BRSK2: variants seen among roughly 807,000 people sequenced by gnomAD.
The protein encoded by BRSK2 is BR serine/threonine kinase 2.
A neutral mutation model predicts 83.3 loss-of-function variants in BRSK2; 19 were observed. The observed-to-expected ratio is 0.23, with a 90% CI of 0.16 to 0.33. The LOEUF (loss-of-function observed/expected upper bound fraction) is 0.33, where lower values mean the gene tolerates loss of function less well. BRSK2 is among the 10% of genes least tolerant of loss of function. BRSK2 has a pLI of 1.00. For synonymous variants in BRSK2, 519 were observed against 435.4 expected (o/e 1.19, Z -2.39); for missense variants, 798 against 1,042.3 (o/e 0.77, Z 3.23).
Position 1,439,260 on chromosome 11 carries a change from G to A in BRSK2, c.272+869G>A, listed in dbSNP as rs1238295364. Among the ~76,000 whole-genome samples, 4 of 152,176 alleles carry A rather than the reference G, an allele frequency of 2.6e-5. No homozygotes were observed. In the South Asian group the frequency reaches 6.3e-4, roughly 24 times the overall value. On this transcript the variant is annotated intron_variant, in intron 3 of 19. Transcript: ENST00000528841. ...CCCTTCCCCCAGCAGCAACGTCCAC[G>A]CTTGCTCTGGCCTGGGTTTCTGCAT...
chr11:1,440,995 G>A, intron 4 of BRSK2, 67 bp downstream of exon 4: 3 of 1,379,516 alleles, frequency 2.2e-6, no homozygotes, highest in South Asian at 2.5e-5. Flanking sequence ...TACCACAGAT[G>A]CCCCCTGTGC....
chr11:1,447,908 A>G (rs1852373089), intron 12 of BRSK2: 1 of 1,543,260 alleles, frequency 6.5e-7, no homozygotes, highest in Non-Finnish European at 8.8e-7. Flanking sequence ...AGCCCCAGAC[A>G]CGCTGTCCTG....
intron 1 of BRSK2, among the ~76,000 whole-genome samples, chr11:1,414,340 C>G (rs1350232118): frequency 6.6e-6 from 1 of 152,240 alleles, no homozygotes; most frequent in Non-Finnish European, 1.5e-5. Flanking sequence ...GGGGATGCCA[C>G]TGCCCCACAG....
intron 1 of BRSK2, among the ~76,000 whole-genome samples, chr11:1,403,666 C>T (rs1413710145): frequency 6.6e-6 from 1 of 152,210 alleles, no homozygotes; most frequent in Non-Finnish European, 1.5e-5. Context: ...CCCCTTAGGT[C>T]CCTCACCTGC....
At chr11:1,451,012 G>A (rs921002209) in intron 14 of BRSK2, among the ~76,000 whole-genome samples, 4 of 152,224 alleles carry the variant, frequency 2.6e-5, no homozygotes, top group Non-Finnish European at 4.4e-5. Flanking sequence ...CTGTGTTCCT[G>A]AGTCTACCCA....
At position 1,460,461 on chromosome 11, in the gene BRSK2, C is replaced by CTTTTTTTTTTTTTTTTT. The variant is rs398015179; in HGVS notation, c.1988-38_1988-22dup. 17 of 544,454 alleles carry CTTTTTTTTTTTTTTTTT rather than the reference C, an allele frequency of 3.1e-5. 3 individuals are homozygous for CTTTTTTTTTTTTTTTTT. Among genetic ancestry groups the CTTTTTTTTTTTTTTTTT allele is most frequent in the Admixed American group, 2.9e-4 (3 of 10,194 alleles). 33.7% of individuals were successfully genotyped at this position (544,454 alleles called of 1,614,324 possible). Reference sequence around the variant, plus strand: ...CTCTCCCCCTTTTTTTTCTTTTTTCCTTTTTTTTTTTTTTTTTGTCTCTGT... The same window carrying CTTTTTTTTTTTTTTTTT: ...CTCTCCCCCTTTTTTTTCTTTTTTCCTTTTTTTTTTTTTTTTTTTTTTTTTTTTTTTTTTGTCTCTGT... On this transcript the variant is annotated intron_variant, in intron 19 of 19. Transcript: ENST00000528841.
At position 1,460,479 on chromosome 11, in the gene BRSK2, GTC is replaced by G. The variant is rs1491286027; in HGVS notation, c.1988-17_1988-16del. On this transcript the variant is annotated intron_variant, in intron 19 of 19. Coordinates refer to ENST00000528841, the MANE Select transcript of BRSK2 (RefSeq NM_001256627.2). Reference sequence around the variant, plus strand: ...TTTTTTCCTTTTTTTTTTTTTTTTTGTCTCTGTTCTGTGTACCCAGGCAGCCC... The same window carrying G: ...TTTTTTCCTTTTTTTTTTTTTTTTTGTCTGTTCTGTGTACCCAGGCAGCCC... 9 of 563,384 alleles carry G rather than the reference GTC, an allele frequency of 1.6e-5. No homozygotes were observed. Among genetic ancestry groups the G allele is most frequent in the African/African-American group, 1.4e-4 (3 of 21,612 alleles). The allele number at this position is 563,384 out of a possible 1,614,324, so 34.9% of individuals were successfully genotyped here.
At chr11:1,402,232 A>C (rs566675704) in intron 1 of BRSK2, among the ~76,000 whole-genome samples, 284 of 152,288 alleles carry the variant, frequency 1.9e-3, no homozygotes, top group Non-Finnish European at 2.3e-3. Flanking sequence ...GGGGCGGGGC[A>C]GGCACAGCAG....
rs776475802 is a variant in BRSK2, at chr11:1,445,656, C to T, written c.1063C>T (p.Arg355Trp). 4.4e-6 allele frequency: 7 copies of T among 1,597,806 alleles called. No homozygotes were observed. Among genetic ancestry groups the T allele is most frequent in the Admixed American group, 1.7e-5 (1 of 57,446 alleles). ...PSQEDEDLPP[R>W]NEIDPPRKRV... ...CCAGGAGGATGAGGACCTGCCCCCC[C>T]GGAACGAGATAGGTATGGGTCCAGG... is the stretch of plus-strand genomic sequence containing the variant. The change falls in exon 11 of 20, where the codon CGG becomes TGG. Residue 355 changes from arginine (R) to tryptophan (W), a missense_variant. This residue lies in a region of BRSK2 where 145 missense variants were observed against 225.4 expected (regional missense o/e 0.64). Coordinates refer to ENST00000528841, the MANE Select transcript of BRSK2 (RefSeq NM_001256627.2).
intron 1 of BRSK2, among the ~76,000 whole-genome samples, chr11:1,404,546 C>T (rs750066162): frequency 3.9e-5 from 6 of 152,214 alleles, no homozygotes; most frequent in East Asian, 1.9e-4. Context: ...ACCATCTGCA[C>T]GGCCCCTCCC....
Position 1,410,375 on chromosome 11 carries a change from G to T in BRSK2, c.91+20000G>T, listed in dbSNP as rs369676048. ...TCGGCCTCGCAGAGCGGTGACGGTC[G>T]CAGAGTCCGTGTTTGGGGGGGTTTG... On this transcript the variant is annotated intron_variant, in intron 1 of 19. Transcript: ENST00000528841. 96 of 878,064 alleles carry T rather than the reference G, an allele frequency of 1.1e-4. No homozygotes were observed. In the African/African-American group the frequency reaches 2.2e-3, roughly 20 times the overall value. 54.4% of individuals were successfully genotyped at this position (878,064 alleles called of 1,614,324 possible).
In BRSK2 at chr11:1,454,158, G is replaced by GGGAGGGCTCACCTGT. The variant is rs1554914634; in HGVS notation, c.1545-325_1545-324insAGGGCTCACCTGTGG. 3.5e-4 allele frequency: 62 copies of GGGAGGGCTCACCTGT among 178,148 alleles called. No individual in the cohort carries two copies. The East Asian group carries it at 0.011, about 30-fold the overall frequency. The allele number at this position is 178,148 out of a possible 1,614,324, so 11.0% of individuals were successfully genotyped here. A position where few individuals can be genotyped will look rare whatever the true frequency, so the allele number is the denominator to read the frequency against. Reference sequence around the variant, plus strand: ...CCACCTCTCACAGCGGCCTTGGTGAGGGGGGGCTCACCTGTGGGGGGCTCA... The same window carrying GGGAGGGCTCACCTGT: ...CCACCTCTCACAGCGGCCTTGGTGAGGGAGGGCTCACCTGTGGGGGGCTCACCTGTGGGGGGCTCA... On this transcript the variant is annotated intron_variant, in intron 15 of 19. Coordinates refer to ENST00000528841, the MANE Select transcript of BRSK2 (RefSeq NM_001256627.2). The surrounding 1 kb of genome is among the most constrained non-coding windows in gnomAD (Gnocchi z 5.2).
intron 1 of BRSK2, chr11:1,409,612 GAGAC>G (rs1426176782): frequency 6.6e-6 from 1 of 152,190 alleles, no homozygotes; most frequent in Non-Finnish European, 1.5e-5. Context: ...GCGCCGTCCA[GAGAC>G]AGAGCCACTG....
intron 1 of BRSK2, among the ~76,000 whole-genome samples, chr11:1,398,903 A>T (rs1305343582): frequency 6.6e-6 from 1 of 152,084 alleles, no homozygotes; most frequent in Admixed American, 6.5e-5. Flanking sequence ...CCCTCCGCTT[A>T]TCTTTGGTGT....
rs958409067 is a variant in BRSK2, at chr11:1,423,708, C to T, written c.92-12332C>T. Among the ~76,000 whole-genome samples, 9 of 150,814 alleles carry T rather than the reference C, an allele frequency of 6.0e-5. No individual in the cohort carries two copies. The East Asian group carries it at 6.0e-4, about 10-fold the overall frequency. ...CGTTCCGGGTGCCCCAGGCCTCCCC[C>T]GCTGGGCGTTCCGGGTGCCCCAGGC... On this transcript the variant is annotated intron_variant, in intron 1 of 19. Transcript: ENST00000528841. This position sits in a 1 kb window ranked among gnomAD's most constrained non-coding sequence, Gnocchi z 6.5.
Position 1,436,030 on chromosome 11 carries a change from T to C in BRSK2, c.92-10T>C. On this transcript the variant is annotated splice_polypyrimidine_tract_variant and intron_variant, in intron 1 of 19. Transcript: ENST00000528841. Reference sequence around the variant, plus strand: ...GGGTGGGTCTGAGCGCGGCTGCTTCTCTCCCGCAGGTCTGGTGAAGCTGGG... The same window carrying C: ...GGGTGGGTCTGAGCGCGGCTGCTTCCCTCCCGCAGGTCTGGTGAAGCTGGG... The C allele has an allele frequency of 6.3e-7, 1 of 1,598,814 alleles. No homozygotes were observed. The highest frequency in any genetic ancestry group is 8.5e-7 in the Non-Finnish European group (1 of 1,173,068).
chr11:1,396,871 C>T (rs1846160087), intron 1 of BRSK2, among the ~76,000 whole-genome samples: 1 of 152,242 alleles, frequency 6.6e-6, no homozygotes, highest in Admixed American at 6.5e-5. Context: ...GCCCTCAGCT[C>T]TGGACAGCCC....
At chr11:1,407,754 C>T (rs754184292) in intron 1 of BRSK2, among the ~76,000 whole-genome samples, 2 of 152,242 alleles carry the variant, frequency 1.3e-5, no homozygotes, top group Non-Finnish European at 2.9e-5. Context: ...AGAAGTCTAA[C>T]GTGATCAACT....
chr11:1,433,672 G>A (rs547050177), intron 1 of BRSK2, among the ~76,000 whole-genome samples: 5 of 152,240 alleles, frequency 3.3e-5, no homozygotes, highest in East Asian at 3.8e-4. Context: ...CGCTGTGGGC[G>A]CCTCCAGCCG....
Sources: gnomAD v4.1 joint callset for allele counts (sites outside exome capture counted in the v4.1 genomes callset) on GRCh38, gnomAD v4.1.1 for gene constraint, gnomAD v4.1.1 regional missense constraint, Gnocchi (gnomAD v3.1) non-coding constraint, MANE v1.5 for transcripts, NCBI Gene and HGNC (gene_info 2026-07-23, HGNC 2026-07-21) for gene names.